SH3GL2: variants seen among roughly 807,000 people sequenced by gnomAD.
SH3GL2 encodes endophilin-A1.
Under a neutral mutation model 46.0 loss-of-function variants are expected in SH3GL2, and 24 were observed. The ratio of observed to expected loss-of-function variants is 0.52; its 90% confidence interval spans 0.38 to 0.73. SH3GL2 has a LOEUF of 0.73. Ranked by LOEUF, SH3GL2 falls within the 30% of genes least tolerant of loss-of-function variation. The pLI, the probability that SH3GL2 is intolerant of heterozygous loss-of-function variation, is 0.00. For synonymous variants in SH3GL2, 196 were observed against 147.1 expected (o/e 1.33, Z -2.40); for missense variants, 413 against 424.2 (o/e 0.97, Z 0.23).
chr9:17,777,450 C>T (rs1823672312), intron 3 of SH3GL2, among the ~76,000 whole-genome samples: 1 of 152,040 alleles, frequency 6.6e-6, no homozygotes, highest in South Asian at 2.1e-4. Flanking sequence ...TGAGTGATAT[C>T]CCTCCCAAAT....
intron 1 of SH3GL2, among the ~76,000 whole-genome samples, chr9:17,627,676 A>C (rs1040918248): frequency 1.3e-5 from 2 of 152,202 alleles, no homozygotes; most frequent in African/African-American, 2.4e-5. Context: ...TGGCATTTCA[A>C]AAAGGTGTTT....
At chr9:17,633,495 ATAATAT>A (rs879625206) in intron 1 of SH3GL2, among the ~76,000 whole-genome samples, 6 of 152,230 alleles carry the variant, frequency 3.9e-5, no homozygotes, top group Admixed American at 6.5e-5. Flanking sequence ...TATCGTCAAA[ATAATAT>A]TAATATAAGA....
intron 1 of SH3GL2, among the ~76,000 whole-genome samples, chr9:17,623,051 C>CTTTCCTTT (rs1478196398): frequency 5.4e-4 from 51 of 94,940 alleles, no homozygotes; most frequent in East Asian, 1.1e-3. Flanking sequence ...CTTCCCCTTC[C>CTTTCCTTT]CCTTCCCCTT....
At chr9:17,760,448 A>G (rs2131150184) in intron 2 of SH3GL2, among the ~76,000 whole-genome samples, 1 of 152,098 alleles carries the variant, frequency 6.6e-6, no homozygotes, top group East Asian at 1.9e-4. Flanking sequence ...ACCGGTATAT[A>G]TTGGTATATA....
intron 1 of SH3GL2, among the ~76,000 whole-genome samples, chr9:17,612,387 C>A (rs1428154242): frequency 1.3e-5 from 2 of 152,188 alleles, no homozygotes; most frequent in African/African-American, 4.8e-5. Context: ...CTTACCACAT[C>A]TGGAAACTTG....
intron 2 of SH3GL2, among the ~76,000 whole-genome samples, chr9:17,754,614 A>G (rs948780621): frequency 2.6e-5 from 4 of 152,174 alleles, no homozygotes; most frequent in Non-Finnish European, 4.4e-5. Flanking sequence ...TGGAGCTTGC[A>G]GTGAGCCGAG....
chr9:17,685,690 T>C (rs1045069278), intron 1 of SH3GL2, among the ~76,000 whole-genome samples: 2 of 152,068 alleles, frequency 1.3e-5, no homozygotes, highest in African/African-American at 4.8e-5. Context: ...CCCAGCACCA[T>C]TTATTAAACA....
At chr9:17,743,569 AACACACACACAC>A (rs58408701) in intron 1 of SH3GL2, among the ~76,000 whole-genome samples, 9 of 143,588 alleles carry the variant, frequency 6.3e-5, no homozygotes, top group Admixed American at 4.8e-4. Context: ...CTCTTTTGTG[AACACACACACAC>A]ACACACACAC....
chr9:17,680,449 T>G (rs1430810368), intron 1 of SH3GL2, among the ~76,000 whole-genome samples: 2 of 152,180 alleles, frequency 1.3e-5, no homozygotes, highest in Non-Finnish European at 2.9e-5. Context: ...GATGGTAGTT[T>G]GTATTTCTGT....
intron 1 of SH3GL2, among the ~76,000 whole-genome samples, chr9:17,736,667 A>G (rs1162925231): frequency 6.6e-6 from 1 of 152,166 alleles, no homozygotes; most frequent in Non-Finnish European, 1.5e-5. Context: ...AAATACATGT[A>G]GGAAGTCTCT....
In SH3GL2 at chr9:17,585,213, C is replaced by A. The variant is rs922618545; in HGVS notation, c.45+5926C>A. Among the ~76,000 whole-genome samples, 9 of 152,236 alleles carry A rather than the reference C, an allele frequency of 5.9e-5. 1 individual carries two copies. Among genetic ancestry groups the A allele is most frequent in the Admixed American group, 5.9e-4 (9 of 15,284 alleles). ...GCTTGAGGCAGCGGCGAGAGAAGGG[C>A]AGGACACACTGACAAATGAATAATG... On this transcript the variant is annotated intron_variant, in intron 1 of 8. Coordinates refer to ENST00000380607, the MANE Select transcript of SH3GL2 (RefSeq NM_003026.5).
At chr9:17,651,680 G>C (rs893847381) in intron 1 of SH3GL2, among the ~76,000 whole-genome samples, 1 of 152,028 alleles carries the variant, frequency 6.6e-6, no homozygotes, top group African/African-American at 2.4e-5. Context: ...TTTTTATTTT[G>C]AAAGAGATTT....
intron 1 of SH3GL2, among the ~76,000 whole-genome samples, chr9:17,644,264 T>G (rs1446484486): frequency 6.6e-6 from 1 of 152,206 alleles, no homozygotes; most frequent in African/African-American, 2.4e-5. Context: ...CTATCTAGTT[T>G]GTCAACTCTT....
chr9:17,768,861 C>G (rs1269346114), intron 3 of SH3GL2, among the ~76,000 whole-genome samples: 2 of 152,202 alleles, frequency 1.3e-5, no homozygotes, highest in East Asian at 1.9e-4. Flanking sequence ...CTCAACAAAT[C>G]TCTTGAGAAG....
At chr9:17,596,946 C>T (rs978604595) in intron 1 of SH3GL2, among the ~76,000 whole-genome samples, 3 of 152,096 alleles carry the variant, frequency 2.0e-5, no homozygotes, top group Non-Finnish European at 4.4e-5. Flanking sequence ...TTCTCTGGGG[C>T]CTGCCACTCT....
Position 17,786,389 on chromosome 9 carries a change from G to A in SH3GL2, c.196G>A (p.Ala66Thr), listed in dbSNP as rs1394821512. Reference sequence around the variant, plus strand: ...TCTCTCTTCACCTTCAGCTTCCAGAGCTAAGCTCAGCATGATCAACACCAT... The same window carrying A: ...TCTCTCTTCACCTTCAGCTTCCAGAACTAAGCTCAGCATGATCAACACCAT... ...EYLQPNPASR[A>T]KLSMINTMSK... is the part of the protein sequence containing the mutation. Residue 66 changes from alanine (A) to threonine (T), a missense_variant, in exon 4 of 9, where the codon GCT becomes ACT. Physicochemically the swap from Ala to Thr is moderately conservative, Grantham distance 58. This residue lies in a region of SH3GL2 where 160 missense variants were observed against 192.3 expected (regional missense o/e 0.83). Transcript: ENST00000380607. 1.2e-6 allele frequency: 2 copies of A among 1,610,324 alleles called. No individual in the cohort carries two copies. The highest frequency in any genetic ancestry group is 1.7e-6 in the Non-Finnish European group (2 of 1,178,836).
rs555187360 is a variant in SH3GL2 at position 17,718,044 on chromosome 9, C to T, written c.46-29022C>T. Reference sequence around the variant, plus strand: ...GCTCTTGTAAAAGACAACTTGTACCCAGTGAATTCTCACATGAATTCAAAT... The same window carrying T: ...GCTCTTGTAAAAGACAACTTGTACCTAGTGAATTCTCACATGAATTCAAAT... On this transcript the variant is annotated intron_variant, in intron 1 of 8. Coordinates refer to ENST00000380607, the MANE Select transcript of SH3GL2 (RefSeq NM_003026.5). Among the ~76,000 whole-genome samples, 3 of 152,180 alleles carry T rather than the reference C, an allele frequency of 2.0e-5. No individual in the cohort carries two copies. The East Asian group carries it at 5.8e-4, about 30-fold the overall frequency.
At chr9:17,608,926 A>G (rs187540332) in intron 1 of SH3GL2, among the ~76,000 whole-genome samples, 2 of 152,358 alleles carry the variant, frequency 1.3e-5, no homozygotes, top group Admixed American at 1.3e-4. Flanking sequence ...AAAATGTTTG[A>G]GTAAAACAGC....
intron 1 of SH3GL2, among the ~76,000 whole-genome samples, chr9:17,699,462 C>T (rs895939859): frequency 2.6e-5 from 4 of 152,152 alleles, no homozygotes; most frequent in South Asian, 2.1e-4. Context: ...AGTTTGTCAG[C>T]CCCCTAACCC....
Sources: allele counts gnomAD v4.1 joint callset (sites outside exome capture counted in the v4.1 genomes callset), GRCh38; gene constraint gnomAD v4.1.1; regional missense constraint gnomAD v4.1.1; transcripts MANE v1.5; gene names NCBI Gene and HGNC (gene_info 2026-07-23, HGNC 2026-07-21).